ARAP1: variants seen among roughly 807,000 people sequenced by gnomAD.
ARAP1 encodes ArfGAP with RhoGAP domain, ankyrin repeat and PH domain 1.
A neutral mutation model predicts 172.2 loss-of-function variants in ARAP1; 76 were observed. The observed-to-expected ratio is 0.44, with a 90% CI of 0.37 to 0.53. The LOEUF (loss-of-function observed/expected upper bound fraction) is 0.53. Ranked by LOEUF, ARAP1 falls within the 20% of genes least tolerant of loss-of-function variation. ARAP1 has a pLI of 0.00. For synonymous variants in ARAP1, 804 were observed against 803.3 expected (o/e 1.00, Z -0.01); for missense variants, 1,686 against 1,977.5 (o/e 0.85, Z 2.80).
At chr11:72,697,218 G>A (rs1402713298) in intron 21 of ARAP1, 23 bp from the exon 22 acceptor site, 3 of 1,589,402 alleles carry the variant, frequency 1.9e-6, no homozygotes, top group Non-Finnish European at 2.6e-6. Context: ...GGGGCCAAGC[G>A]TTCGGGGCCT....
In ARAP1 at chr11:72,693,448, C is replaced by A; in HGVS notation, c.3831G>T (p.Lys1277Asn). 3 of 1,613,574 alleles carry A rather than the reference C, an allele frequency of 1.9e-6. No homozygotes were observed. The highest frequency in any genetic ancestry group is 2.5e-6 in the Non-Finnish European group (3 of 1,179,614). The stretch of plus-strand genomic sequence containing the variant: ...CCTCACGGAACTTCATCATGCCATG[C>A]TTGGTGTCACCGACACGGCTGGCTG... ...LYLASRVGDT[K>N]HGMMKFREDR... The change falls in exon 29 of 35, where the codon AAG becomes AAT. Residue 1277 changes from lysine to asparagine, a missense_variant. By Grantham distance (94) the Lys-to-Asn change is moderately conservative. This residue lies in a region of ARAP1 where 379 missense variants were observed against 500.1 expected (regional missense o/e 0.76). Transcript: ENST00000393609. The surrounding 1 kb of genome is among the most constrained non-coding windows in gnomAD (Gnocchi z 4.6).
chr11:72,736,810 G>A lies in ARAP1; in HGVS notation c.-127-4213C>T, dbSNP rs139449252. On this transcript the variant is annotated intron_variant, in intron 1 of 34. Transcript: ENST00000393609. ...TCATTCAACTTCATCCAGCTCTGACGTTTACAGACGAAGAAACAAACACCC... is the reference window on the plus strand; with the variant it reads ...TCATTCAACTTCATCCAGCTCTGACATTTACAGACGAAGAAACAAACACCC... Among the ~76,000 whole-genome samples the A allele has an allele frequency of 8.4e-3, 1,278 of 152,252 alleles. 32 individuals are homozygous for A. Among genetic ancestry groups the A allele is most frequent in the South Asian group, 6.6e-3 (32 of 4,832 alleles).
chr11:72,696,701 TC>T, intron 22 of ARAP1, 47 bp from the exon 23 acceptor site: 2 of 1,483,068 alleles, frequency 1.3e-6, no homozygotes, highest in Non-Finnish European at 9.1e-7. Flanking sequence ...GTAACTATCT[TC>T]CCCCCACCCC....
chr11:72,750,321 A>C (rs553451643), intron 1 of ARAP1, among the ~76,000 whole-genome samples: 4 of 151,918 alleles, frequency 2.6e-5, no homozygotes, highest in South Asian at 2.1e-4. Flanking sequence ...CCCTCCCCCT[A>C]CCCTGGGAAC....
chr11:72,703,809 T>G, intron 14 of ARAP1: 1 of 302,586 alleles, frequency 3.3e-6, no homozygotes, highest in South Asian at 3.4e-5. Context: ...GCCCAGCTGT[T>G]TTTCATGAGC....
chr11:72,699,627 G>T lies in ARAP1; in HGVS notation c.2303-75C>A. On this transcript the variant is annotated intron_variant, in intron 16 of 34. Coordinates refer to ENST00000393609, the MANE Select transcript of ARAP1 (RefSeq NM_001040118.3). This position sits in a 1 kb window ranked among gnomAD's most constrained non-coding sequence, Gnocchi z 4.2. ...AAAACCACCTCTGCATCCTCCCGGG[G>T]CTCCTGCTCCCATCTGACCCATGAG... 1 of 1,535,314 alleles carries T rather than the reference G, an allele frequency of 6.5e-7. No individual in the cohort carries two copies.
rs754998497 is a variant in ARAP1, at chr11:72,726,926, T to C, written c.203A>G (p.His68Arg). ...GCGGGGTGCAGGGGCCGGTGAGGTA[T>C]GGGCACGGAGCAGGCCAGCCAGGAT... ...RRILAGLLRA[H>R]TSPAPAPRPT... is the part of the protein sequence containing the mutation. The change falls in exon 3 of 35, where the codon CAT becomes CGT. Residue 68 changes from histidine (H) to arginine (R), a missense_variant. By Grantham distance (29) the His-to-Arg change is conservative. Coordinates refer to ENST00000393609, the MANE Select transcript of ARAP1 (RefSeq NM_001040118.3). The surrounding 1 kb of genome is among the most constrained non-coding windows in gnomAD (Gnocchi z 6.5). 2 of 1,592,990 alleles carry C rather than the reference T, an allele frequency of 1.3e-6. No homozygotes were observed. Among genetic ancestry groups the C allele is most frequent in the South Asian group, 1.1e-5 (1 of 88,056 alleles).
Position 72,710,641 on chromosome 11 carries a change from G to A in ARAP1, c.1214-54C>T, listed in dbSNP as rs993565181. ...CAAGGTTGCAGGGAGCCCCTCAGGG[G>A]TCTCCTGGCCCTAGGCTCCTCATGC... On this transcript the variant is annotated intron_variant, in intron 9 of 34. Coordinates refer to ENST00000393609, the MANE Select transcript of ARAP1 (RefSeq NM_001040118.3). This position sits in a 1 kb window ranked among gnomAD's most constrained non-coding sequence, Gnocchi z 4.3. 2.6e-6 allele frequency: 4 copies of A among 1,526,616 alleles called. No individual in the cohort carries two copies. The African/African-American group carries it at 4.1e-5, about 16-fold the overall frequency. The allele number at this position is 1,526,616 out of a possible 1,614,324, so 94.6% of individuals were successfully genotyped here. A position where few individuals can be genotyped will look rare whatever the true frequency, so the allele number is the denominator to read the frequency against.
At chr11:72,748,125 A>T (rs750501469) in intron 1 of ARAP1, among the ~76,000 whole-genome samples, 1 of 152,220 alleles carries the variant, frequency 6.6e-6, no homozygotes, top group Non-Finnish European at 1.5e-5. Context: ...GACTATTTTG[A>T]GGATTAAATG....
At position 72,702,550 on chromosome 11, in the gene ARAP1, C is replaced by T. The variant is rs555741629; in HGVS notation, c.2167+355G>A. Among the ~76,000 whole-genome samples the T allele has an allele frequency of 1.4e-4, 22 of 152,320 alleles. No homozygotes were observed. In the South Asian group the frequency reaches 2.5e-3, roughly 17 times the overall value. ...GAGAAATGTAACTCAGCACCCCTCACGCAGCAACACAGACACACTCTGCAC... is the reference window on the plus strand; with the variant it reads ...GAGAAATGTAACTCAGCACCCCTCATGCAGCAACACAGACACACTCTGCAC... On this transcript the variant is annotated intron_variant, in intron 15 of 34. Transcript: ENST00000393609.
At chr11:72,742,977 A>C (rs533439616) in intron 1 of ARAP1, among the ~76,000 whole-genome samples, 1 of 152,174 alleles carries the variant, frequency 6.6e-6, no homozygotes. Context: ...TTGCCCAGGC[A>C]TCTCCATGAC....
chr11:72,702,394 T>C (rs984791312), intron 15 of ARAP1, among the ~76,000 whole-genome samples: 2 of 152,082 alleles, frequency 1.3e-5, no homozygotes, highest in Non-Finnish European at 2.9e-5. Flanking sequence ...CCACGAGCTG[T>C]GCTGCTCAGC....
Position 72,713,263 on chromosome 11 carries a change from G to A in ARAP1, c.680-20C>T, listed in dbSNP as rs1261634661. 1.2e-6 allele frequency: 2 copies of A among 1,612,810 alleles called. 1 individual carries two copies. On this transcript the variant is annotated intron_variant, in intron 4 of 34. Coordinates refer to ENST00000393609, the MANE Select transcript of ARAP1 (RefSeq NM_001040118.3). ...AGTCATCTGGTGAGAGAGGGGTTGG[G>A]GGGCCTCAGGGCAAGGGGCCTGGCC...
intron 3 of ARAP1, chr11:72,722,184 A>G: frequency 3.8e-6 from 3 of 790,902 alleles, no homozygotes; most frequent in Non-Finnish European, 4.6e-6. Context: ...AGACAGAGGG[A>G]GAGAGAGAGA....
rs905602912 is a variant in ARAP1, at chr11:72,693,176, G to T, written c.3954+149C>A. ...GCCGTCCAGGGCCACAGCAGGAGGG[G>T]TCTTGAGAGTCTACAGTTCTCCCCC... On this transcript the variant is annotated intron_variant, in intron 29 of 34. Coordinates refer to ENST00000393609, the MANE Select transcript of ARAP1 (RefSeq NM_001040118.3). The surrounding 1 kb of genome is among the most constrained non-coding windows in gnomAD (Gnocchi z 4.6). The T allele has an allele frequency of 2.2e-5, 27 of 1,238,050 alleles. No individual in the cohort carries two copies. Among genetic ancestry groups the T allele is most frequent in the Non-Finnish European group, 2.9e-5 (26 of 908,274 alleles). 76.7% of individuals were successfully genotyped at this position (1,238,050 alleles called of 1,614,324 possible).
At chr11:72,715,570 C>CT (rs56115201) in intron 3 of ARAP1, among the ~76,000 whole-genome samples, 42,829 of 135,812 alleles carry the variant, frequency 0.32, 7,454 homozygotes, top group East Asian at 0.56. Flanking sequence ...TTTTTAACTT[C>CT]TTTTTTTTTT....
rs148954339 is a variant in ARAP1 at position 72,745,486 on chromosome 11, G to A, written c.-128+6842C>T. On this transcript the variant is annotated intron_variant, in intron 1 of 34. Transcript: ENST00000393609. ...CCCAAAGTGCTGGGATTACAGGCAT[G>A]AGCCACCATGCCTGGCCACCCGAGA... Among the ~76,000 whole-genome samples the A allele has an allele frequency of 7.9e-3, 1,197 of 151,500 alleles. 19 individuals are homozygous for A. Among genetic ancestry groups the A allele is most frequent in the African/African-American group, 0.027 (1,127 of 41,260 alleles).
intron 27 of ARAP1, among the ~76,000 whole-genome samples, chr11:72,694,278 C>T (rs1279795223): frequency 1.3e-5 from 2 of 151,868 alleles, no homozygotes; most frequent in African/African-American, 2.4e-5. Flanking sequence ...CACCCATCAG[C>T]GAGTAGCAAT....
At chr11:72,730,524 C>G (rs548137881) in intron 2 of ARAP1, among the ~76,000 whole-genome samples, 1 of 152,144 alleles carries the variant, frequency 6.6e-6, no homozygotes, top group Admixed American at 6.5e-5. Flanking sequence ...TGGTAAAATC[C>G]CGTCTCTACT....
Sources: gnomAD v4.1 joint callset for allele counts (sites outside exome capture counted in the v4.1 genomes callset) on GRCh38, gnomAD v4.1.1 for gene constraint, gnomAD v4.1.1 regional missense constraint, Gnocchi (gnomAD v3.1) non-coding constraint, MANE v1.5 for transcripts, NCBI Gene and HGNC (gene_info 2026-07-23, HGNC 2026-07-21) for gene names.